DNASE1: variants seen among roughly 807,000 people sequenced by gnomAD.
DNASE1 encodes deoxyribonuclease 1.
Under a neutral mutation model 33.9 loss-of-function variants are expected in DNASE1, and 40 were observed. That is an observed-to-expected ratio of 1.18 (90% CI 0.92 to 1.54). DNASE1 has a LOEUF of 1.54. Among genes scored for constraint, DNASE1 ranks in the 40% most tolerant of loss-of-function variants. The pLI is 0.00. For synonymous variants in DNASE1, 216 were observed against 160.0 expected (o/e 1.35, Z -2.64); for missense variants, 518 against 372.6 (o/e 1.39, Z -3.21).
chr16:3,639,663 A>T (rs962441464), upstream of DNASE1, among the ~76,000 whole-genome samples: 37 of 152,236 alleles, frequency 2.4e-4, no homozygotes, highest in African/African-American at 8.9e-4. Flanking sequence ...TTCTTATGCT[A>T]AACTTCCCTT....
At chr16:3,623,534 A>T (rs534361754) in intron 1 of DNASE1, among the ~76,000 whole-genome samples, 1 of 152,350 alleles carries the variant, frequency 6.6e-6, no homozygotes, top group South Asian at 2.1e-4. Flanking sequence ...AACAGAGTAA[A>T]TAGACAACCT....
At chr16:3,622,582 G>T (rs1324669671) in intron 1 of DNASE1, among the ~76,000 whole-genome samples, 9 of 152,136 alleles carry the variant, frequency 5.9e-5, no homozygotes, top group Non-Finnish European at 1.0e-4. Flanking sequence ...CAATGTTACA[G>T]ATAGTTTTTA....
At chr16:3,625,192 G>A (rs1171589311) in intron 1 of DNASE1, among the ~76,000 whole-genome samples, 3 of 152,130 alleles carry the variant, frequency 2.0e-5, no homozygotes, top group Admixed American at 2.0e-4. Context: ...TGTAATCCCA[G>A]CTACTTGGGA....
At chr16:3,624,047 G>T (rs1405803961) in intron 1 of DNASE1, among the ~76,000 whole-genome samples, 1 of 152,048 alleles carries the variant, frequency 6.6e-6, no homozygotes, top group Non-Finnish European at 1.5e-5. Context: ...CACTTTGGGA[G>T]GCTAAGGCAG....
chr16:3,647,688 T>C (rs1184570853), intron 1 of DNASE1, among the ~76,000 whole-genome samples: 2 of 152,192 alleles, frequency 1.3e-5, no homozygotes, highest in African/African-American at 4.8e-5. Flanking sequence ...CATCTTTCAA[T>C]ATTTTATTAA....
chr16:3,662,853 G>A (rs373884866), downstream of DNASE1: 11 of 1,610,284 alleles, frequency 6.8e-6, no homozygotes, highest in African/African-American at 1.5e-4. Flanking sequence ...CTGCGGCCAA[G>A]TGGTGGTCCA....
chr16:3,662,567 GCTGGGGTAGCATGTCC>G (rs2043146001), downstream of DNASE1: 2 of 587,138 alleles, frequency 3.4e-6, no homozygotes, highest in South Asian at 3.3e-5. Flanking sequence ...GCTCCTGAGG[GCTGGGGTAGCATGTCC>G]CTTGTTTGGA....
chr16:3,622,947 G>A (rs1404727099), intron 1 of DNASE1, among the ~76,000 whole-genome samples: 1 of 152,082 alleles, frequency 6.6e-6, no homozygotes. Context: ...ATACTACAAG[G>A]CCTCTTTTGG....
At chr16:3,646,817 G>C (rs1339446206) in intron 1 of DNASE1, among the ~76,000 whole-genome samples, 1 of 152,184 alleles carries the variant, frequency 6.6e-6, no homozygotes, top group African/African-American at 2.4e-5. Flanking sequence ...GAATCTGGAG[G>C]ACGTGCAGGC....
In DNASE1 at chr16:3,657,111, G is replaced by C; in HGVS notation, c.549G>C (p.Glu183Asp). The part of the protein sequence containing the change: ...YLDVQEKWGL[E>D]DVMLMGDFNA... ...ATGTCCAAGAGAAATGGGGCTTGGA[G>C]GTGAGGCCCTCCCAGGGGCAGTGGG... The change falls in exon 6 of 9, where the codon GAG becomes GAC. Residue 183 changes from glutamate (E) to aspartate (D), a missense_variant and splice_region_variant. By Grantham distance (45) the Glu-to-Asp change is conservative (BLOSUM62 2). Transcript: ENST00000246949. 1 of 1,614,134 alleles carries C rather than the reference G, an allele frequency of 6.2e-7. No homozygotes were observed. The highest frequency in any genetic ancestry group is 1.1e-5 in the South Asian group (1 of 91,090).
At chr16:3,661,833 G>A, downstream of DNASE1, 8 of 1,001,490 alleles carry the variant, frequency 8.0e-6, no homozygotes, top group Middle Eastern at 1.2e-3. Context: ...TTTCACATGG[G>A]TGCAGCCTAA....
At position 3,657,336 on chromosome 16, in the gene DNASE1, T is replaced by TGACA. The variant is rs766868338; in HGVS notation, c.701_704dup (p.Ile236GlnfsTer22). On this transcript the variant is annotated frameshift_variant, in exon 7 of 9. Transcript: ENST00000246949. LOFTEE classifies it high-confidence loss of function. ...CAGCTACACCCACGCACTGTGCCTA[T>TGACA]GACAGGTGAGCAGGGCCTCGCGCTT... The TGACA allele has an allele frequency of 1.2e-6, 2 of 1,613,172 alleles. No homozygotes were observed.
exon 10 of DNASE1, chr16:3,664,826 G>C (rs1270693936): frequency 4.5e-6 from 1 of 219,982 alleles, no homozygotes. Context: ...ACGGACACGG[G>C]TGAAGTCCAC....
chr16:3,657,723 C>T lies in DNASE1; in HGVS notation c.708C>T (p.Ile236=), dbSNP rs201517407. The T allele has an allele frequency of 2.5e-5, 40 of 1,613,908 alleles. No homozygotes were observed. The African/African-American group carries it at 2.9e-4, about 12-fold the overall frequency. Residue 236 remains isoleucine, a synonymous_variant, in exon 8 of 9, where the codon ATC becomes ATT. Coordinates refer to ENST00000246949, the MANE Select transcript of DNASE1 (RefSeq NM_005223.4). ...TTCTCTTCCCAACACCCATCAGGAT[C>T]GTGGTTGCAGGGATGCTGCTCCGAG... The part of the protein sequence containing the change: ...ATPTHCAYDR[I]VVAGMLLRGA...
At chr16:3,628,287 T>C (rs1407185975) in intron 1 of DNASE1, among the ~76,000 whole-genome samples, 1 of 152,210 alleles carries the variant, frequency 6.6e-6, no homozygotes, top group East Asian at 1.9e-4. Context: ...GTGCTGACTT[T>C]GTATCCTGCT....
At chr16:3,613,316 A>C (rs1363861688) in intron 1 of DNASE1, among the ~76,000 whole-genome samples, 1 of 152,198 alleles carries the variant, frequency 6.6e-6, no homozygotes, top group Non-Finnish European at 1.5e-5. Context: ...ATGCCTTTTC[A>C]TGGCTGCATA....
chr16:3,619,074 A>T (rs949331939), intron 1 of DNASE1, among the ~76,000 whole-genome samples: 1 of 151,396 alleles, frequency 6.6e-6, no homozygotes, highest in Non-Finnish European at 1.5e-5. Flanking sequence ...ACACTCTATC[A>T]TCCAGAATGG....
At chr16:3,633,206 T>C (rs2151180323) in intron 1 of DNASE1, among the ~76,000 whole-genome samples, 1 of 152,344 alleles carries the variant, frequency 6.6e-6, no homozygotes, top group East Asian at 1.9e-4. Context: ...TTCTTTTTAT[T>C]TTGGTCTTCC....
Position 3,636,979 on chromosome 16 carries a change from C to G in DNASE1, c.-1358-3736C>G, listed in dbSNP as rs142999872. Among the ~76,000 whole-genome samples, 274 of 152,158 alleles carry G rather than the reference C, an allele frequency of 1.8e-3. 1 individual carries two copies. The highest frequency in any genetic ancestry group is 6.3e-3 in the African/African-American group (262 of 41,508). ...TCTCTACTAAAAATACAAAAGTTAG[C>G]TGGGCATGGTGGCAGGCGCCTGTAA... On this transcript the variant is annotated intron_variant and NMD_transcript_variant, in intron 1 of 11. Transcript: ENST00000570769.
Sources: gnomAD v4.1 joint callset for allele counts (sites outside exome capture counted in the v4.1 genomes callset) on GRCh38, gnomAD v4.1.1 for gene constraint, MANE v1.5 for transcripts, NCBI Gene and HGNC (gene_info 2026-07-23, HGNC 2026-07-21) for gene names.